RXFP1: variants seen among roughly 807,000 people sequenced by gnomAD.
The protein encoded by RXFP1 is relaxin family peptide receptor 1.
RXFP1 carries 73 observed loss-of-function variants against 89.8 expected under a neutral mutation model. That is an observed-to-expected ratio of 0.81 (90% CI 0.67 to 0.99). RXFP1 has a LOEUF of 0.99. Ranked by LOEUF, RXFP1 falls within the 50% of genes least tolerant of loss-of-function variation. RXFP1 has a pLI of 0.00. For synonymous variants in RXFP1, 277 were observed against 305.5 expected (o/e 0.91, Z 0.97); for missense variants, 793 against 895.5 (o/e 0.89, Z 1.46).
chr4:158,621,108 C>T (rs747859067), intron 9 of RXFP1, among the ~76,000 whole-genome samples: 41 of 151,676 alleles, frequency 2.7e-4, no homozygotes, highest in Non-Finnish European at 5.2e-4. Context: ...ATTGCACTCC[C>T]GCCTGGGCGA....
chr4:158,635,525 C>T (rs533458803), intron 12 of RXFP1, among the ~76,000 whole-genome samples: 2 of 151,778 alleles, frequency 1.3e-5, no homozygotes, highest in South Asian at 2.1e-4. Flanking sequence ...TTTTTCTTGC[C>T]GAATTGTTCT....
At chr4:158,581,089 C>T (rs989733947) in intron 2 of RXFP1, among the ~76,000 whole-genome samples, 1 of 152,184 alleles carries the variant, frequency 6.6e-6, no homozygotes, top group Admixed American at 6.5e-5. Context: ...CATACCCAGC[C>T]TGTGCATGAC....
At chr4:158,564,415 T>C (rs980028405) in intron 1 of RXFP1, among the ~76,000 whole-genome samples, 3 of 152,056 alleles carry the variant, frequency 2.0e-5, no homozygotes, top group Non-Finnish European at 4.4e-5. Context: ...AAATAAAAGA[T>C]ACAGGAGCTG....
In RXFP1 at chr4:158,599,407, C is replaced by T. The variant is rs545798645; in HGVS notation, c.368C>T (p.Ser123Leu). 86 of 1,613,280 alleles carry T rather than the reference C, an allele frequency of 5.3e-5. No individual in the cohort carries two copies. The highest frequency in any genetic ancestry group is 1.1e-4 in the East Asian group (5 of 44,854). The change falls in exon 4 of 18, where the codon TCG becomes TTG. Residue 123 changes from serine to leucine, a missense_variant. Physicochemically the swap from Ser to Leu is moderately radical, Grantham distance 145 (BLOSUM62 -2). Transcript: ENST00000307765. ...CDETNLRAVP[S>L]VSSNVTAMSL... is the part of the protein sequence containing the mutation. ...GAAACCAATTTACGAGCTGTTCCATCGGTTTCTTCAAATGTGACTGCAATG... is the reference window on the plus strand; with the variant it reads ...GAAACCAATTTACGAGCTGTTCCATTGGTTTCTTCAAATGTGACTGCAATG...
At chr4:158,612,388 T>G in intron 8 of RXFP1, 26 bp downstream of exon 8, 1 of 1,483,568 alleles carries the variant, frequency 6.7e-7, no homozygotes, top group Non-Finnish European at 9.3e-7. Context: ...AAGCAAATAT[T>G]TCAATCAAAG....
intron 1 of RXFP1, among the ~76,000 whole-genome samples, chr4:158,550,231 G>C (rs1156448608): frequency 2.6e-5 from 4 of 152,212 alleles, no homozygotes; most frequent in Non-Finnish European, 2.9e-5. Context: ...GAGACTCCGT[G>C]GGCATAGGAC....
intron 1 of RXFP1, among the ~76,000 whole-genome samples, chr4:158,527,409 G>T (rs961539933): frequency 6.6e-6 from 1 of 151,466 alleles, no homozygotes; most frequent in East Asian, 1.9e-4. Context: ...CGGGCGTGGT[G>T]GTGGGCGTCT....
At chr4:158,557,157 A>G (rs1461107440) in intron 1 of RXFP1, among the ~76,000 whole-genome samples, 3 of 152,238 alleles carry the variant, frequency 2.0e-5, no homozygotes, top group African/African-American at 7.2e-5. Context: ...ATTGTATAAC[A>G]TAGATATATA....
chr4:158,529,836 T>C (rs914097768), intron 1 of RXFP1, among the ~76,000 whole-genome samples: 1 of 152,238 alleles, frequency 6.6e-6, no homozygotes, highest in African/African-American at 2.4e-5. Flanking sequence ...TCCCAAATCT[T>C]GCAACCCTAA....
At chr4:158,650,664 G>A (rs1037310812) in intron 17 of RXFP1, among the ~76,000 whole-genome samples, 4 of 151,838 alleles carry the variant, frequency 2.6e-5, no homozygotes, top group African/African-American at 9.7e-5. Context: ...CAGCTACTTG[G>A]GAGGCTGAGG....
chr4:158,558,760 G>GA (rs1482030670), intron 1 of RXFP1, among the ~76,000 whole-genome samples: 1 of 152,090 alleles, frequency 6.6e-6, no homozygotes, highest in Non-Finnish European at 1.5e-5. Context: ...GTCATGTATA[G>GA]AAAAAATAGC....
In RXFP1 at chr4:158,638,056, T is replaced by C. The variant is rs1769558660; in HGVS notation, c.1020T>C (p.Asp340=). 3 of 1,603,570 alleles carry C rather than the reference T, an allele frequency of 1.9e-6. No individual in the cohort carries two copies. The highest frequency in any genetic ancestry group is 2.2e-5 in the South Asian group (2 of 90,534). ...AGAAAATTCAAGCAAACCAATTTGA[T>C]TATCTTGTCAAACTCAAGTCTCTGT... ...PIQKIQANQF[D]YLVKLKSLSL... Residue 340 remains aspartate, a synonymous_variant, in exon 13 of 18, where the codon GAT becomes GAC. Coordinates refer to ENST00000307765, the MANE Select transcript of RXFP1 (RefSeq NM_021634.4).
chr4:158,567,046 G>A (rs113260934), intron 1 of RXFP1, among the ~76,000 whole-genome samples: 11 of 152,310 alleles, frequency 7.2e-5, no homozygotes, highest in South Asian at 4.1e-4. Flanking sequence ...GTGGCCGGCC[G>A]GCCCGCCAGT....
intron 10 of RXFP1, among the ~76,000 whole-genome samples, chr4:158,627,506 T>G (rs1334819490): frequency 5.9e-3 from 20 of 3,374 alleles, no homozygotes; most frequent in Non-Finnish European, 6.9e-3. Context: ...AGCCTTAGGG[T>G]GTGTGTGTGT....
At chr4:158,608,794 A>G (rs2150121956) in intron 6 of RXFP1, among the ~76,000 whole-genome samples, 1 of 151,924 alleles carries the variant, frequency 6.6e-6, no homozygotes, top group Non-Finnish European at 1.5e-5. Context: ...GTCTCTCCCA[A>G]TTTCCCCCTC....
At chr4:158,603,455 T>C (rs528853683) in intron 4 of RXFP1, among the ~76,000 whole-genome samples, 1 of 152,224 alleles carries the variant, frequency 6.6e-6, no homozygotes, top group Non-Finnish European at 1.5e-5. Flanking sequence ...GTATTATTTA[T>C]GTAAAAAGCC....
intron 3 of RXFP1, among the ~76,000 whole-genome samples, chr4:158,598,920 CTAAA>C (rs774122036): frequency 6.6e-6 from 1 of 151,674 alleles, no homozygotes; most frequent in Non-Finnish European, 1.5e-5. Flanking sequence ...TTTGATTATA[CTAAA>C]TACTTTATTT....
At chr4:158,535,875 C>T (rs561243891) in intron 1 of RXFP1, among the ~76,000 whole-genome samples, 1 of 152,278 alleles carries the variant, frequency 6.6e-6, no homozygotes, top group Admixed American at 6.5e-5. Flanking sequence ...CTTCCTATTT[C>T]CCTTGTGTTA....
In RXFP1 at chr4:158,652,623, C is replaced by A. The variant is rs1182934061; in HGVS notation, c.*568C>A. ...TCTTACCTCTCTTTAAGTTTCCATA[C>A]ACTTGAGAGCCAACACAACATATTT... On this transcript the variant is annotated 3_prime_UTR_variant, in exon 18 of 18. Coordinates refer to ENST00000307765, the MANE Select transcript of RXFP1 (RefSeq NM_021634.4). 7 of 152,202 alleles carry A rather than the reference C, an allele frequency of 4.6e-5. No individual in the cohort carries two copies. The highest frequency in any genetic ancestry group is 8.8e-5 in the Non-Finnish European group (6 of 68,032). 9.4% of individuals were successfully genotyped at this position (152,202 alleles called of 1,614,324 possible). A position where few individuals can be genotyped will look rare whatever the true frequency, so the allele number is the denominator to read the frequency against.
Sources: gnomAD v4.1 joint callset for allele counts (sites outside exome capture counted in the v4.1 genomes callset) on GRCh38, gnomAD v4.1.1 for gene constraint, MANE v1.5 for transcripts, NCBI Gene and HGNC (gene_info 2026-07-23, HGNC 2026-07-21) for gene names.